MYT1L: variants seen among roughly 807,000 people sequenced by gnomAD.
The protein encoded by MYT1L is myelin transcription factor 1 like, also known as myelin transcription factor 1-like protein.
MYT1L carries 12 observed loss-of-function variants against 126.7 expected under a neutral mutation model. The ratio of observed to expected loss-of-function variants is 0.09; its 90% CI spans 0.06 to 0.15. The LOEUF is 0.15. Ranked by LOEUF, MYT1L falls within the 10% of genes least tolerant of loss-of-function variation. The pLI is 1.00. For missense variants in MYT1L, 979 were observed against 1,585.2 expected (o/e 0.62, Z 6.49); for synonymous variants, 541 against 604.2 (o/e 0.90, Z 1.53).
At chr2:2,171,071 G>T (rs549108400) in intron 3 of MYT1L, among the ~76,000 whole-genome samples, 1 of 152,278 alleles carries the variant, frequency 6.6e-6, no homozygotes, top group Non-Finnish European at 1.5e-5. Flanking sequence ...GGCCTGGCTG[G>T]AGGGGTCCCG....
At chr2:2,022,354 A>G (rs1558766279) in intron 4 of MYT1L, among the ~76,000 whole-genome samples, 2 of 152,230 alleles carry the variant, frequency 1.3e-5, no homozygotes, top group Non-Finnish European at 2.9e-5. Context: ...GTGCTGGTTA[A>G]CATCTTCTCA....
At chr2:2,073,193 G>A (rs775959950) in intron 3 of MYT1L, among the ~76,000 whole-genome samples, 3 of 151,966 alleles carry the variant, frequency 2.0e-5, no homozygotes, top group Non-Finnish European at 4.4e-5. Flanking sequence ...CAAACATTGA[G>A]TCCATGGCAA....
chr2:2,278,391 C>A (rs1156637620), intron 2 of MYT1L, among the ~76,000 whole-genome samples: 1 of 152,150 alleles, frequency 6.6e-6, no homozygotes, highest in East Asian at 1.9e-4. Context: ...CACTGTTATG[C>A]AACTTTGCAT....
chr2:2,223,811 CTAAAAG>C (rs886651455), intron 2 of MYT1L, among the ~76,000 whole-genome samples: 32 of 152,108 alleles, frequency 2.1e-4, no homozygotes, highest in Non-Finnish European at 1.2e-4. Flanking sequence ...ACTTTTTCTT[CTAAAAG>C]TAACTAAGAA....
At chr2:2,262,999 A>G (rs1023445310) in intron 2 of MYT1L, among the ~76,000 whole-genome samples, 1 of 123,000 alleles carries the variant, frequency 8.1e-6, no homozygotes, top group Non-Finnish European at 1.7e-5. Context: ...GAAACAAAAT[A>G]GCATAAAGTG....
At chr2:2,189,365 G>C (rs1186169497) in intron 2 of MYT1L, among the ~76,000 whole-genome samples, 1 of 152,148 alleles carries the variant, frequency 6.6e-6, no homozygotes, top group Non-Finnish European at 1.5e-5. Flanking sequence ...TACATCATCT[G>C]TGGGGTTGGA....
chr2:1,957,155 G>T (rs1446994579), intron 8 of MYT1L, among the ~76,000 whole-genome samples: 1 of 152,178 alleles, frequency 6.6e-6, no homozygotes, highest in Non-Finnish European at 1.5e-5. Flanking sequence ...GGGTTCACTG[G>T]GCGCGTGGCT....
intron 1 of MYT1L, among the ~76,000 whole-genome samples, chr2:2,327,381 C>T (rs1559691033): frequency 6.6e-6 from 1 of 152,120 alleles, no homozygotes; most frequent in Non-Finnish European, 1.5e-5. Flanking sequence ...TGAAACTTAG[C>T]TTGGTGAAAA....
At chr2:2,203,008 C>T (rs1277558127) in intron 2 of MYT1L, among the ~76,000 whole-genome samples, 2 of 150,888 alleles carry the variant, frequency 1.3e-5, no homozygotes, top group African/African-American at 4.9e-5. Context: ...ATAAACAGAA[C>T]CAAAGACAAA....
At position 2,097,772 on chromosome 2, in the gene MYT1L, C is replaced by T. The variant is rs146682298; in HGVS notation, c.-303-43649G>A. Among the ~76,000 whole-genome samples, 55 of 152,218 alleles carry T rather than the reference C, an allele frequency of 3.6e-4. 1 individual carries two copies. The highest frequency in any genetic ancestry group is 1.3e-3 in the African/African-American group (53 of 41,532). On this transcript the variant is annotated intron_variant, in intron 3 of 24. Coordinates refer to ENST00000647738, the MANE Select transcript of MYT1L (RefSeq NM_001303052.2). ...TATATGATGAGTCATCAGTGCTCAT[C>T]GGGTATACGATGTAGTGTGCATGTG...
chr2:2,001,419 TAC>T (rs1398709954), intron 4 of MYT1L, among the ~76,000 whole-genome samples: 1 of 152,188 alleles, frequency 6.6e-6, no homozygotes, highest in Non-Finnish European at 1.5e-5. Flanking sequence ...TTTTTGTCTT[TAC>T]AAAAGGATAG....
Position 1,801,417 on chromosome 2 carries a change from A to C in MYT1L, c.3276+279T>G, listed in dbSNP as rs929422359. The C allele has an allele frequency of 1.2e-5, 4 of 322,114 alleles. No individual in the cohort carries two copies. Among genetic ancestry groups the C allele is most frequent in the Non-Finnish European group, 2.2e-5 (4 of 178,598 alleles). 20.0% of individuals were successfully genotyped at this position (322,114 alleles called of 1,614,324 possible). On this transcript the variant is annotated intron_variant, in intron 23 of 24. Transcript: ENST00000647738. The surrounding 1 kb of genome is among the most constrained non-coding windows in gnomAD (Gnocchi z 4.2). ...AGGAAAACCTTCATTGTTTGCAGGA[A>C]CAGGCGATCCTCTGAAAATGCCTAT...
At chr2:2,130,762 A>C (rs1332729974) in intron 3 of MYT1L, among the ~76,000 whole-genome samples, 1 of 152,218 alleles carries the variant, frequency 6.6e-6, no homozygotes, top group Non-Finnish European at 1.5e-5. Context: ...AGTGGATACA[A>C]GTGAACATGA....
At chr2:1,802,065 C>T (rs2034954581) in intron 22 of MYT1L, 2 of 336,458 alleles carry the variant, frequency 5.9e-6, no homozygotes, top group Non-Finnish European at 1.1e-5. Context: ...GTCGAGCTCC[C>T]AGGGACAGTT....
intron 3 of MYT1L, among the ~76,000 whole-genome samples, chr2:2,159,012 A>C (rs962324904): frequency 3.3e-5 from 5 of 152,318 alleles, no homozygotes; most frequent in South Asian, 2.1e-4. Context: ...TAGGAGAAGA[A>C]GTCTAACCTA....
At chr2:2,241,272 C>CTT (rs1491153775) in intron 2 of MYT1L, among the ~76,000 whole-genome samples, 2 of 108,024 alleles carry the variant, frequency 1.9e-5, no homozygotes, top group South Asian at 6.9e-4. Context: ...TAAAATACAT[C>CTT]TTTTGTGTGT....
At chr2:1,987,485 G>A (rs1422569525) in intron 5 of MYT1L, among the ~76,000 whole-genome samples, 2 of 152,114 alleles carry the variant, frequency 1.3e-5, no homozygotes, top group Non-Finnish European at 2.9e-5. Context: ...CCATGGGAGG[G>A]GCATGTGCTA....
chr2:1,978,015 C>T (rs2060316559), intron 8 of MYT1L, among the ~76,000 whole-genome samples: 1 of 152,120 alleles, frequency 6.6e-6, no homozygotes, highest in South Asian at 2.1e-4. Context: ...GCCCACAATT[C>T]CTTTGATCTG....
intron 19 of MYT1L, among the ~76,000 whole-genome samples, chr2:1,847,341 G>A (rs1383070791): frequency 6.6e-6 from 1 of 152,210 alleles, no homozygotes; most frequent in African/African-American, 2.4e-5. Flanking sequence ...AGAGGCCACA[G>A]GGTGTTCTAG....
Sources: allele counts gnomAD v4.1 joint callset (sites outside exome capture counted in the v4.1 genomes callset), GRCh38; gene constraint gnomAD v4.1.1; non-coding constraint Gnocchi (gnomAD v3.1); transcripts MANE v1.5; gene names NCBI Gene and HGNC (gene_info 2026-07-23, HGNC 2026-07-21).